The following GSTO2 variants were observed in gnomAD, a reference collection of about 807,000 sequenced individuals.
GSTO2 encodes glutathione S-transferase omega 2, also known as glutathione S-transferase omega-2.
Under a neutral mutation model 28.4 loss-of-function variants are expected in GSTO2, and 23 were observed. The ratio of observed to expected loss-of-function variants is 0.81; its 90% CI spans 0.58 to 1.15. The LOEUF (loss-of-function observed/expected upper bound fraction) is 1.15, where lower values mean the gene tolerates loss of function less well. GSTO2 is among the 50% of genes most tolerant of loss of function. The pLI, the probability that GSTO2 is intolerant of heterozygous loss-of-function variation, is 0.00. For synonymous variants in GSTO2, 109 were observed against 111.0 expected (o/e 0.98, Z 0.11); for missense variants, 298 against 297.8 (o/e 1.00, Z 0.00).
Position 104,297,632 on chromosome 10 carries a change from G to C in GSTO2, c.523G>C (p.Asp175His). Reference sequence around the variant, plus strand: ...TGGTGGAACCTGTATATCCATGATTGATTACCTCCTCTGGCCCTGGTTTGA... The same window carrying C: ...TGGTGGAACCTGTATATCCATGATTCATTACCTCCTCTGGCCCTGGTTTGA... Reference protein sequence around the residue: ...FFGGTCISMIDYLLWPWFERL... With the variant: ...FFGGTCISMIHYLLWPWFERL... The change falls in exon 6 of 7, where the codon GAT (aspartate) becomes CAT (histidine). Residue 175 changes from aspartate to histidine, a missense_variant. Asp to His is a moderately conservative substitution (Grantham distance 81, BLOSUM62 -1). Coordinates refer to ENST00000338595, the MANE Select transcript of GSTO2 (RefSeq NM_183239.2). 1 of 1,613,852 alleles carries C rather than the reference G, an allele frequency of 6.2e-7. No homozygotes were observed. Among genetic ancestry groups the C allele is most frequent in the Non-Finnish European group, 8.5e-7 (1 of 1,179,798 alleles).
In GSTO2 at chr10:104,274,861, G is replaced by A. The variant is rs1245342631; in HGVS notation, c.-55G>A. 1.9e-6 allele frequency: 3 copies of A among 1,583,414 alleles called. No homozygotes were observed. The highest frequency in any genetic ancestry group is 2.6e-6 in the Non-Finnish European group (3 of 1,164,542). On this transcript the variant is annotated 5_prime_UTR_variant, in exon 2 of 7. Coordinates refer to ENST00000338595, the MANE Select transcript of GSTO2 (RefSeq NM_183239.2). ...TTCTGGAGCCTGCGGCAGCGGTGGC[G>A]AGCCACAGGGCGGCGACCGTGAGCT...
intron 5 of GSTO2, among the ~76,000 whole-genome samples, chr10:104,281,760 A>AG (rs1212921401): frequency 6.6e-6 from 1 of 152,150 alleles, no homozygotes; most frequent in Non-Finnish European, 1.5e-5. Context: ...AAGACCCTCG[A>AG]GGGGCTCAAA....
intron 3 of GSTO2, among the ~76,000 whole-genome samples, chr10:104,276,567 C>A (rs1589857833): frequency 6.6e-6 from 1 of 152,212 alleles, no homozygotes; most frequent in Non-Finnish European, 1.5e-5. Context: ...GACAACAAAA[C>A]CATGTCTCCA....
intron 6 of GSTO2, 40 bp from the exon 7 acceptor site, chr10:104,299,088 T>G (rs2135152369): frequency 1.3e-6 from 2 of 1,504,344 alleles, no homozygotes; most frequent in East Asian, 2.5e-5. Flanking sequence ...TCCTGATGCC[T>G]ACCCCTGCAC....
At chr10:104,276,030 G>A (rs541512842) in intron 3 of GSTO2, among the ~76,000 whole-genome samples, 1 of 152,310 alleles carries the variant, frequency 6.6e-6, no homozygotes, top group East Asian at 1.9e-4. Context: ...GATTTGGAGG[G>A]CAGAGCAGCT....
At position 104,302,729 on chromosome 10, in the gene GSTO2, T is replaced by G. The variant is rs894984754; in HGVS notation, c.*3445T>G. ...GTTTAGCACCATTCTCTTGGTGCTG[T>G]TCTCATGATAGTGAGTGAGTTCTCA... On this transcript the variant is annotated 3_prime_UTR_variant, in exon 7 of 7. Transcript: ENST00000338595. The G allele has an allele frequency of 1.3e-5, 2 of 152,220 alleles. No homozygotes were observed. Among genetic ancestry groups the G allele is most frequent in the Non-Finnish European group, 2.9e-5 (2 of 68,038 alleles). 9.4% of individuals were successfully genotyped at this position (152,220 alleles called of 1,614,324 possible). A position where few individuals can be genotyped will look rare whatever the true frequency, so the allele number is the denominator to read the frequency against.
intron 5 of GSTO2, among the ~76,000 whole-genome samples, chr10:104,294,059 CAA>C (rs1467010290): frequency 3.9e-5 from 6 of 152,156 alleles, no homozygotes; most frequent in African/African-American, 1.4e-4. Flanking sequence ...CCAGGAAACT[CAA>C]GAGTCAAATT....
chr10:104,297,347 G>A (rs1019336162), intron 5 of GSTO2: 5 of 369,892 alleles, frequency 1.4e-5, no homozygotes, highest in South Asian at 8.9e-5. Flanking sequence ...GAGCCACACT[G>A]TCACTCTAGT....
rs2011551846 is a variant in GSTO2 at position 104,274,890 on chromosome 10, G to A, written c.-26G>A. Reference sequence around the variant, plus strand: ...CACAGGGCGGCGACCGTGAGCTCCGGGAGCTGCGCAAACCACCTGGAGACC... The same window carrying A: ...CACAGGGCGGCGACCGTGAGCTCCGAGAGCTGCGCAAACCACCTGGAGACC... On this transcript the variant is annotated 5_prime_UTR_variant, in exon 2 of 7. Transcript: ENST00000338595. 3.1e-6 allele frequency: 5 copies of A among 1,604,404 alleles called. No individual in the cohort carries two copies. The African/African-American group carries it at 4.0e-5, about 13-fold the overall frequency.
intron 5 of GSTO2, 125 bp from the exon 6 acceptor site, chr10:104,297,453 G>A: frequency 1.7e-6 from 1 of 605,070 alleles, no homozygotes; most frequent in Non-Finnish European, 3.0e-6. Context: ...CTCCTAACCA[G>A]AGGGAGAAGG....
chr10:104,291,942 C>A (rs1326446781), intron 5 of GSTO2, among the ~76,000 whole-genome samples: 1 of 152,180 alleles, frequency 6.6e-6, no homozygotes, highest in Non-Finnish European at 1.5e-5. Flanking sequence ...GTACTAAAGT[C>A]TCCAACAAAC....
intron 5 of GSTO2, chr10:104,285,963 G>T: frequency 2.7e-6 from 1 of 366,054 alleles, no homozygotes; most frequent in Non-Finnish European, 5.4e-6. Flanking sequence ...TTTATACCTG[G>T]TTAATTCGTC....
chr10:104,282,171 A>G (rs1254310264), intron 5 of GSTO2, among the ~76,000 whole-genome samples: 2 of 148,978 alleles, frequency 1.3e-5, no homozygotes, highest in Non-Finnish European at 3.0e-5. Context: ...GGTTGCTGTG[A>G]GCCAAGACTG....
At chr10:104,282,225 C>CAAAAAAA (rs71022727) in intron 5 of GSTO2, among the ~76,000 whole-genome samples, 24 of 88,806 alleles carry the variant, frequency 2.7e-4, no homozygotes, top group South Asian at 4.4e-4. Flanking sequence ...GACTCTGTTT[C>CAAAAAAA]AAAAAAAAAA....
intron 3 of GSTO2, 74 bp from the exon 4 acceptor site, chr10:104,277,820 T>C: frequency 3.0e-6 from 3 of 989,660 alleles, no homozygotes; most frequent in Non-Finnish European, 3.2e-6. Flanking sequence ...TGATTGCTTC[T>C]GCTTTCAAGA....
chr10:104,291,631 C>T (rs921381676), intron 5 of GSTO2: 1 of 152,462 alleles, frequency 6.6e-6, no homozygotes, highest in Non-Finnish European at 1.5e-5. Context: ...TCTCCTTCGT[C>T]CCTCTGGGGG....
chr10:104,293,563 A>ATTTTTTTTTGTTTTTTTTTTTTTTTTTTT (rs2012878295), intron 5 of GSTO2, among the ~76,000 whole-genome samples: 1 of 81,652 alleles, frequency 1.2e-5, no homozygotes, highest in Non-Finnish European at 2.3e-5. Context: ...CGCCTGGCCA[A>ATTTTTTTTTGTTTTTTTTTTTTTTTTTTT]TTTTTTTTTT....
At chr10:104,298,047 C>T (rs2135150389) in intron 6 of GSTO2, among the ~76,000 whole-genome samples, 1 of 152,278 alleles carries the variant, frequency 6.6e-6, no homozygotes, top group South Asian at 2.1e-4. Context: ...CAGGGGACAC[C>T]ATATAACCTT....
chr10:104,270,526 G>A (rs1045129852), intron 1 of GSTO2, among the ~76,000 whole-genome samples: 1 of 151,782 alleles, frequency 6.6e-6, no homozygotes, highest in Admixed American at 6.6e-5. Context: ...TCCTCAAGTT[G>A]TAGAGAGAAA....
Sources: gnomAD v4.1 joint callset for allele counts (sites outside exome capture counted in the v4.1 genomes callset) on GRCh38, gnomAD v4.1.1 for gene constraint, MANE v1.5 for transcripts, NCBI Gene and HGNC (gene_info 2026-07-23, HGNC 2026-07-21) for gene names.